The following VPS13A variants were observed in gnomAD, a reference collection of about 807,000 sequenced individuals.
VPS13A encodes intermembrane lipid transfer protein VPS13A.
Under a neutral mutation model 390.9 loss-of-function variants are expected in VPS13A, and 264 were observed. The observed-to-expected ratio is 0.68, with a 90% confidence interval of 0.61 to 0.75. The LOEUF is 0.75. VPS13A is among the 30% of genes least tolerant of loss of function. The probability of loss-of-function intolerance (pLI) is 0.00; values close to 1 mark genes in which losing one functional copy is unlikely to be tolerated. For missense variants in VPS13A, 3,409 were observed against 3,733.9 expected, an observed-to-expected ratio of 0.91 and a Z score of 2.27; for synonymous variants, 1,231 against 1,227.1, an observed-to-expected ratio of 1.00 and a Z score of -0.07.
At position 77,382,017 on chromosome 9, in the gene VPS13A, G is replaced by T. The variant is rs148458576; in HGVS notation, c.9119G>T (p.Arg3040Leu). 4 of 1,608,026 alleles carry T rather than the reference G, an allele frequency of 2.5e-6. No homozygotes were observed. Among genetic ancestry groups the T allele is most frequent in the Non-Finnish European group, 2.5e-6 (3 of 1,176,852 alleles). The stretch of plus-strand genomic sequence containing the variant: ...GAAGTGGAGAGTCTGCGACCTCCTC[G>T]GTTCTTCAATGAAGATGGAGTTATC... The part of the protein sequence containing the change: ...TSEVESLRPP[R>L]FFNEDGVIRP... The change falls in exon 68 of 72, where the codon CGG (arginine) becomes CTG (leucine). Residue 3040 changes from arginine (R) to leucine (L), a missense_variant. Transcript: ENST00000360280.
chr9:77,189,243 G>T (rs1352941754), intron 1 of VPS13A, among the ~76,000 whole-genome samples: 1 of 150,186 alleles, frequency 6.7e-6, no homozygotes, highest in African/African-American at 2.5e-5. Context: ...TATAGTTTTA[G>T]GTTTTACATT....
intron 22 of VPS13A, among the ~76,000 whole-genome samples, chr9:77,257,673 G>A (rs1404604421): frequency 2.0e-5 from 3 of 152,102 alleles, no homozygotes; most frequent in Non-Finnish European, 4.4e-5. Flanking sequence ...AGTTAAGGTG[G>A]GAGGATAGCT....
intron 52 of VPS13A, among the ~76,000 whole-genome samples, chr9:77,348,930 T>A (rs1831311009): frequency 6.6e-6 from 1 of 152,206 alleles, no homozygotes; most frequent in African/African-American, 2.4e-5. Flanking sequence ...TTAAATATTT[T>A]TAAACCAAAT....
intron 27 of VPS13A, among the ~76,000 whole-genome samples, chr9:77,280,916 T>G (rs1001800084): frequency 6.6e-6 from 1 of 152,062 alleles, no homozygotes; most frequent in Admixed American, 6.6e-5. Context: ...AAAGAAAATG[T>G]GGTATATATA....
chr9:77,183,292 TAAC>T (rs1824134208), intron 1 of VPS13A, among the ~76,000 whole-genome samples: 1 of 152,214 alleles, frequency 6.6e-6, no homozygotes, highest in Admixed American at 6.5e-5. Context: ...TGCATGCAGG[TAAC>T]AATCATCACA....
rs1247131583 is a variant in VPS13A at position 77,376,763 on chromosome 9, C to T, written c.9078-5213C>T. Reference sequence around the variant, plus strand: ...AAGGTCCAAGCTAGAGGTAAAAATTCAAGATTTGTGAGCCTATAATAAGGT... The same window carrying T: ...AAGGTCCAAGCTAGAGGTAAAAATTTAAGATTTGTGAGCCTATAATAAGGT... On this transcript the variant is annotated intron_variant, in intron 67 of 71. Coordinates refer to ENST00000360280, the MANE Select transcript of VPS13A (RefSeq NM_033305.3). Among the ~76,000 whole-genome samples, 6 of 152,136 alleles carry T rather than the reference C, an allele frequency of 3.9e-5. No homozygotes were observed. The East Asian group carries it at 1.2e-3, about 29-fold the overall frequency.
chr9:77,194,072 G>T (rs1329290535), intron 1 of VPS13A, among the ~76,000 whole-genome samples: 1 of 152,140 alleles, frequency 6.6e-6, no homozygotes, highest in South Asian at 2.1e-4. Flanking sequence ...CGGCAAAAGT[G>T]CTTGGTTGGG....
At chr9:77,247,451 T>A in intron 20 of VPS13A, 56 bp downstream of exon 20, 7 of 1,511,000 alleles carry the variant, frequency 4.6e-6, no homozygotes, top group Non-Finnish European at 5.4e-6. Context: ...TTCTTTGTTT[T>A]AAATGTATTT....
chr9:77,339,196 G>A (rs969475243), intron 47 of VPS13A: 9 of 266,472 alleles, frequency 3.4e-5, no homozygotes, highest in South Asian at 1.4e-4. Context: ...TCTTTTTGTC[G>A]TTGTTTTACC....
At chr9:77,271,533 A>G (rs990408159) in intron 23 of VPS13A, among the ~76,000 whole-genome samples, 2 of 152,202 alleles carry the variant, frequency 1.3e-5, no homozygotes, top group Non-Finnish European at 2.9e-5. Context: ...GGTTATTCAT[A>G]ATAGTAAAAA....
chr9:77,391,364 A>G (rs55649410), intron 68 of VPS13A, among the ~76,000 whole-genome samples: 2 of 152,128 alleles, frequency 1.3e-5, no homozygotes, highest in African/African-American at 2.4e-5. Flanking sequence ...CTGTGAAAGG[A>G]TACATTCACT....
At chr9:77,348,603 A>G (rs1337470208) in intron 52 of VPS13A, among the ~76,000 whole-genome samples, 1 of 152,008 alleles carries the variant, frequency 6.6e-6, no homozygotes, top group African/African-American at 2.4e-5. Context: ...CTGCACGTGT[A>G]TTCTGGAACT....
At chr9:77,253,729 A>C (rs1232695500) in intron 22 of VPS13A, among the ~76,000 whole-genome samples, 1 of 152,094 alleles carries the variant, frequency 6.6e-6, no homozygotes, top group Non-Finnish European at 1.5e-5. Flanking sequence ...GATGTCTAAA[A>C]GTTTAAAATT....
At chr9:77,379,461 A>G (rs1053068716) in intron 67 of VPS13A, among the ~76,000 whole-genome samples, 10 of 152,024 alleles carry the variant, frequency 6.6e-5, no homozygotes, top group Admixed American at 3.9e-4. Flanking sequence ...GCTGATCTCG[A>G]ACTTCCGACC....
At chr9:77,202,891 C>G (rs192310139) in intron 3 of VPS13A, among the ~76,000 whole-genome samples, 1 of 152,278 alleles carries the variant, frequency 6.6e-6, no homozygotes, top group Admixed American at 6.5e-5. Context: ...AAAAATATCA[C>G]TGTTTTTTCC....
chr9:77,408,250 T>C (rs1165910972), intron 71 of VPS13A, among the ~76,000 whole-genome samples: 1 of 152,370 alleles, frequency 6.6e-6, no homozygotes, highest in African/African-American at 2.4e-5. Flanking sequence ...TGATCACAAC[T>C]GAAGTGCTAT....
chr9:77,363,289 T>G (rs1010345775), intron 59 of VPS13A, among the ~76,000 whole-genome samples: 1 of 152,086 alleles, frequency 6.6e-6, no homozygotes, highest in Non-Finnish European at 1.5e-5. Context: ...TGGTTGAGTG[T>G]TTTTAATCAT....
At chr9:77,258,893 G>A (rs1825603477) in intron 22 of VPS13A, among the ~76,000 whole-genome samples, 1 of 152,172 alleles carries the variant, frequency 6.6e-6, no homozygotes, top group Admixed American at 6.6e-5. Flanking sequence ...AGAAAAAGTA[G>A]GTGATATTTC....
At chr9:77,409,669 T>G (rs913261405) in intron 71 of VPS13A, among the ~76,000 whole-genome samples, 5 of 151,120 alleles carry the variant, frequency 3.3e-5, no homozygotes, top group Non-Finnish European at 7.4e-5. Flanking sequence ...CCTCAGTAAC[T>G]GATGCGATCA....
Sources: gnomAD v4.1 joint callset for allele counts (sites outside exome capture counted in the v4.1 genomes callset) on GRCh38, gnomAD v4.1.1 for gene constraint, MANE v1.5 for transcripts, NCBI Gene and HGNC (gene_info 2026-07-23, HGNC 2026-07-21) for gene names.